CNTN5: variants seen among roughly 807,000 people sequenced by gnomAD.
CNTN5 encodes contactin 5, also known as contactin-5.
CNTN5 carries 77 observed loss-of-function variants against 129.1 expected under a neutral mutation model. That is an observed-to-expected ratio of 0.60 (90% CI 0.50 to 0.72). The LOEUF (loss-of-function observed/expected upper bound fraction) is 0.72. Ranked by LOEUF, CNTN5 falls within the 30% of genes least tolerant of loss-of-function variation. CNTN5 has a pLI of 0.00. For synonymous variants in CNTN5, 509 were observed against 465.6 expected, an observed-to-expected ratio of 1.09 and a Z score of -1.20; for missense variants, 1,478 against 1,328.8, an observed-to-expected ratio of 1.11 and a Z score of -1.75.
chr11:100,016,059 T>C (rs541352453), intron 9 of CNTN5, among the ~76,000 whole-genome samples: 1 of 152,264 alleles, frequency 6.6e-6, no homozygotes, highest in South Asian at 2.1e-4. Context: ...AAACTTTCTC[T>C]TATGTCTCTG....
chr11:99,640,056 C>T (rs962136129), intron 3 of CNTN5, among the ~76,000 whole-genome samples: 7 of 152,146 alleles, frequency 4.6e-5, no homozygotes, highest in African/African-American at 1.7e-4. Flanking sequence ...CTGAGACCAC[C>T]TCAGCCTCGA....
rs181249681 is a variant in CNTN5 at position 99,689,475 on chromosome 11, C to G, written c.56-130069C>G. ...CCGGGAGGTGGAGCTTGCAGTGAGC[C>G]GAGGTCGCGCCACTGCACTCTACCC... On this transcript the variant is annotated intron_variant, in intron 3 of 24. Transcript: ENST00000524871. 7.1e-4 allele frequency among the ~76,000 whole-genome samples: 90 copies of G among 126,930 alleles called. No individual in the cohort carries two copies. In the East Asian group the frequency reaches 0.022, roughly 31 times the overall value. 83.3% of individuals were successfully genotyped at this position (126,930 alleles called of 152,430 possible). A position where few individuals can be genotyped will look rare whatever the true frequency, so the allele number is the denominator to read the frequency against.
At chr11:99,699,369 GT>G (rs1202446389) in intron 3 of CNTN5, among the ~76,000 whole-genome samples, 1 of 151,382 alleles carries the variant, frequency 6.6e-6, no homozygotes, top group Admixed American at 6.6e-5. Flanking sequence ...CCTAATTTGA[GT>G]TTTTATCACT....
intron 8 of CNTN5, among the ~76,000 whole-genome samples, chr11:99,980,668 A>G (rs1938275582): frequency 6.6e-6 from 1 of 152,162 alleles, no homozygotes; most frequent in African/African-American, 2.4e-5. Flanking sequence ...TTTAATATGA[A>G]TATAGTCAAT....
chr11:99,150,890 T>G (rs899725445), intron 1 of CNTN5, among the ~76,000 whole-genome samples: 3 of 152,076 alleles, frequency 2.0e-5, no homozygotes, highest in Non-Finnish European at 2.9e-5. Flanking sequence ...TGAAAGGATA[T>G]TATTGAAAAA....
intron 1 of CNTN5, among the ~76,000 whole-genome samples, chr11:99,164,109 C>T (rs765030058): frequency 2.0e-5 from 3 of 151,896 alleles, no homozygotes; most frequent in Non-Finnish European, 4.4e-5. Context: ...GGGTGGATCA[C>T]GAGGTTAGGA....
chr11:100,185,160 C>T (rs910627001), intron 13 of CNTN5, among the ~76,000 whole-genome samples: 3 of 152,074 alleles, frequency 2.0e-5, no homozygotes, highest in African/African-American at 7.2e-5. Context: ...GTCTTTATAC[C>T]AGTGTGAAAA....
chr11:99,059,648 T>C (rs1864792658), intron 1 of CNTN5, among the ~76,000 whole-genome samples: 1 of 152,088 alleles, frequency 6.6e-6, no homozygotes, highest in African/African-American at 2.4e-5. Flanking sequence ...TCCTGTAATA[T>C]CCTATTTACA....
chr11:100,286,121 G>T (rs554877784), intron 18 of CNTN5, among the ~76,000 whole-genome samples: 1 of 152,172 alleles, frequency 6.6e-6, no homozygotes, highest in South Asian at 2.1e-4. Flanking sequence ...ACGGAGTCTC[G>T]CTGATTGCTA....
At chr11:99,717,269 A>G (rs1288298896) in intron 3 of CNTN5, among the ~76,000 whole-genome samples, 1 of 152,066 alleles carries the variant, frequency 6.6e-6, no homozygotes, top group East Asian at 1.9e-4. Flanking sequence ...GATTGTTACT[A>G]TTCTTTTAAA....
intron 8 of CNTN5, among the ~76,000 whole-genome samples, chr11:99,993,187 G>C (rs1287954201): frequency 1.3e-5 from 2 of 152,174 alleles, no homozygotes; most frequent in Admixed American, 6.5e-5. Context: ...CAGACAGTCA[G>C]TGATTAATGT....
At chr11:99,968,253 T>G (rs180744014) in intron 8 of CNTN5, among the ~76,000 whole-genome samples, 2 of 152,260 alleles carry the variant, frequency 1.3e-5, no homozygotes, top group East Asian at 3.9e-4. Context: ...GAATGCGTGT[T>G]GAAAGATTAC....
chr11:99,929,648 G>C (rs989296176), intron 7 of CNTN5, among the ~76,000 whole-genome samples: 1 of 152,160 alleles, frequency 6.6e-6, no homozygotes, highest in African/African-American at 2.4e-5. Context: ...AAAACCATCA[G>C]ATCTTGTGAG....
intron 21 of CNTN5, among the ~76,000 whole-genome samples, chr11:100,324,138 G>T (rs1951747169): frequency 6.6e-6 from 1 of 152,126 alleles, no homozygotes; most frequent in Non-Finnish European, 1.5e-5. Context: ...CTGCAACCCA[G>T]GAGTATAGAT....
chr11:99,159,129 T>C (rs2135508855), intron 1 of CNTN5, among the ~76,000 whole-genome samples: 1 of 152,320 alleles, frequency 6.6e-6, no homozygotes, highest in South Asian at 2.1e-4. Context: ...GAGGACTACA[T>C]TGGATAATGC....
chr11:99,977,957 T>A (rs972783791), intron 8 of CNTN5, among the ~76,000 whole-genome samples: 1 of 152,196 alleles, frequency 6.6e-6, no homozygotes, highest in South Asian at 2.1e-4. Context: ...CACTTTACTG[T>A]ATTTTGGTTG....
At chr11:99,533,269 C>A (rs2135474192) in intron 2 of CNTN5, among the ~76,000 whole-genome samples, 1 of 152,200 alleles carries the variant, frequency 6.6e-6, no homozygotes, top group Admixed American at 6.5e-5. Context: ...AGAACAAAAC[C>A]CAGTTGGTAA....
At chr11:100,298,716 G>A (rs375954682) in intron 19 of CNTN5, among the ~76,000 whole-genome samples, 12 of 151,060 alleles carry the variant, frequency 7.9e-5, no homozygotes, top group African/African-American at 2.9e-4. Context: ...AACCATAAAA[G>A]CAATTGCAAA....
chr11:99,049,462 C>T (rs1005690082), intron 1 of CNTN5: 1 of 152,042 alleles, frequency 6.6e-6, no homozygotes, highest in Non-Finnish European at 1.5e-5. Flanking sequence ...AGACATATAA[C>T]AAAAATCTAT....
Sources: gnomAD v4.1 joint callset for allele counts (sites outside exome capture counted in the v4.1 genomes callset) on GRCh38, gnomAD v4.1.1 for gene constraint, MANE v1.5 for transcripts, NCBI Gene and HGNC (gene_info 2026-07-23, HGNC 2026-07-21) for gene names.